The following RNF17 variants were observed in gnomAD, a reference collection of about 807,000 sequenced individuals.
RNF17 encodes the protein spermatogenesis associated 23.
In RNF17, 31 loss-of-function variants were observed where a neutral mutation model predicts 200.5. The ratio of observed to expected loss-of-function variants is 0.15; its 90% confidence interval spans 0.12 to 0.21. The LOEUF (loss-of-function observed/expected upper bound fraction) is 0.21, where lower values mean the gene tolerates loss of function less well. Ranked by LOEUF, RNF17 falls within the 10% of genes least tolerant of loss-of-function variation. The pLI is 1.00. For missense variants in RNF17, 1,628 were observed against 1,905.1 expected (o/e 0.85, Z 2.71); for synonymous variants, 606 against 637.8 (o/e 0.95, Z 0.75).
At chr13:24,834,676 C>T (rs1306900789) in intron 18 of RNF17, among the ~76,000 whole-genome samples, 4 of 152,184 alleles carry the variant, frequency 2.6e-5, no homozygotes, top group South Asian at 4.1e-4. Context: ...AGCAGAAAGG[C>T]CCTGGGAGCT....
chr13:24,858,809 C>G (rs1205085083), intron 25 of RNF17, among the ~76,000 whole-genome samples, 192 bp from the exon 26 acceptor site: 1 of 151,948 alleles, frequency 6.6e-6, no homozygotes, highest in African/African-American at 2.4e-5. Context: ...TTTGTACTCT[C>G]AAAATATAAT....
intron 11 of RNF17, among the ~76,000 whole-genome samples, chr13:24,798,490 T>C (rs1212004873): frequency 6.6e-6 from 1 of 152,168 alleles, no homozygotes; most frequent in African/African-American, 2.4e-5. Flanking sequence ...CAGAGGAGAT[T>C]ACACAGCATC....
chr13:24,836,044 GAAGA>G (rs1889958096), intron 18 of RNF17, among the ~76,000 whole-genome samples: 1 of 152,126 alleles, frequency 6.6e-6, no homozygotes, highest in Non-Finnish European at 1.5e-5. Flanking sequence ...TGAACAAGTA[GAAGA>G]AAGAAATTCA....
chr13:24,820,924 T>C (rs917721440), intron 15 of RNF17, among the ~76,000 whole-genome samples: 1 of 152,224 alleles, frequency 6.6e-6, no homozygotes, highest in Non-Finnish European at 1.5e-5. Flanking sequence ...AGTGTCTTAG[T>C]TCCCTGGAGC....
intron 15 of RNF17, among the ~76,000 whole-genome samples, chr13:24,823,796 G>T (rs181946017): frequency 3.9e-5 from 6 of 152,272 alleles, no homozygotes; most frequent in Admixed American, 2.6e-4. Context: ...CCTGGCCTTA[G>T]ATGGTCTATT....
Position 24,845,017 on chromosome 13 carries a change from A to G in RNF17, c.3039A>G (p.Lys1013=), listed in dbSNP as rs750962904. 2 of 1,608,620 alleles carry G rather than the reference A, an allele frequency of 1.2e-6. No homozygotes were observed. Among genetic ancestry groups the G allele is most frequent in the South Asian group, 1.1e-5 (1 of 90,934 alleles). The change falls in exon 22 of 36, where the codon AAA becomes AAG. Residue 1013 remains lysine, a synonymous_variant. Transcript: ENST00000255324. ...TAGTGAATGTTGACTGTTTAAGAAA[A>G]CTTGAAGAAAATCTAAAGACAATGG... is the stretch of plus-strand genomic sequence containing the variant. ...ELVVNVDCLR[K]LEENLKTMGR...
intron 35 of RNF17, among the ~76,000 whole-genome samples, 178 bp from the exon 36 acceptor site, chr13:24,879,559 T>A (rs1895226197): frequency 6.6e-6 from 1 of 152,136 alleles, no homozygotes; most frequent in Non-Finnish European, 1.5e-5. Flanking sequence ...CCACTGTAAA[T>A]AATTTTAAGC....
At chr13:24,804,789 C>A (rs1885653052) in intron 15 of RNF17, among the ~76,000 whole-genome samples, 1 of 151,968 alleles carries the variant, frequency 6.6e-6, no homozygotes. Flanking sequence ...ATTTGAACAC[C>A]AAAATAGACA....
intron 15 of RNF17, among the ~76,000 whole-genome samples, chr13:24,813,856 C>T (rs1298863422): frequency 1.5e-4 from 13 of 85,048 alleles, no homozygotes; most frequent in East Asian, 4.0e-4. Context: ...GAGACAGGTT[C>T]TTGCTGTGTT....
At chr13:24,887,617 C>G in the RNF17 span, among the ~76,000 whole-genome samples, 2 of 152,120 alleles carry the variant, frequency 1.3e-5, no homozygotes, top group African/African-American at 4.8e-5. Context: ...CAGGGCTCCC[C>G]CTGATTCTAC....
chr13:24,802,563 A>G lies in RNF17; in HGVS notation c.1941A>G (p.Glu647=), dbSNP rs767503051. 29 of 1,603,264 alleles carry G rather than the reference A, an allele frequency of 1.8e-5. No individual in the cohort carries two copies. The highest frequency in any genetic ancestry group is 5.2e-5 in the Admixed American group (3 of 57,592). Reference sequence around the variant, plus strand: ...TTAGAGATGCGCTAGTTTTTATGGAACTAGCAAAGTAAGTAACTTATTAAA... The same window carrying G: ...TTAGAGATGCGCTAGTTTTTATGGAGCTAGCAAAGTAAGTAACTTATTAAA... The part of the protein sequence containing the change: ...VSLRDALVFM[E]LAKFKSQSLR... The change falls in exon 14 of 36, where the codon GAA becomes GAG. Residue 647 remains glutamate, a synonymous_variant. Transcript: ENST00000255324.
At chr13:24,753,157 G>A in the RNF17 span, among the ~76,000 whole-genome samples, 1 of 152,186 alleles carries the variant, frequency 6.6e-6, no homozygotes, top group East Asian at 1.9e-4. Flanking sequence ...CAATGTTGAT[G>A]CTAAAAAAGA....
intron 6 of RNF17, among the ~76,000 whole-genome samples, chr13:24,787,154 T>C (rs1023488066): frequency 6.6e-6 from 1 of 152,146 alleles, no homozygotes; most frequent in Non-Finnish European, 1.5e-5. Flanking sequence ...ATACAATCTA[T>C]GGAATTTCTG....
At chr13:24,771,389 C>A (rs1313858248) in intron 2 of RNF17, among the ~76,000 whole-genome samples, 1 of 124,924 alleles carries the variant, frequency 8.0e-6, no homozygotes, top group African/African-American at 3.0e-5. Flanking sequence ...AGGCTAGGTC[C>A]TTGCTATGTT....
At chr13:24,768,433 T>C (rs899195122) in intron 2 of RNF17, among the ~76,000 whole-genome samples, 2 of 152,008 alleles carry the variant, frequency 1.3e-5, no homozygotes, top group Admixed American at 1.3e-4. Context: ...TGTAGGTCTG[T>C]GCCACCACGC....
chr13:24,849,881 G>C (rs1000648307), intron 22 of RNF17, among the ~76,000 whole-genome samples: 2 of 152,234 alleles, frequency 1.3e-5, no homozygotes, highest in Admixed American at 6.5e-5. Context: ...TCATTACAAA[G>C]AGACTTTTTT....
In RNF17 at chr13:24,874,095, CCT is replaced by C; in HGVS notation, c.4448-18_4448-17del. ...TAATGAAAGACAATATGATTTTTTC[CCT>C]TTTTCTGTCTTTCCAGAAATGCCTT... is the stretch of plus-strand genomic sequence containing the variant. On this transcript the variant is annotated splice_polypyrimidine_tract_variant and intron_variant, in intron 32 of 35. Transcript: ENST00000255324. The C allele has an allele frequency of 6.2e-7, 1 of 1,601,314 alleles. No individual in the cohort carries two copies. Among genetic ancestry groups the C allele is most frequent in the African/African-American group, 1.4e-5 (1 of 74,066 alleles).
At chr13:24,845,464 A>G (rs1006469807) in intron 22 of RNF17, among the ~76,000 whole-genome samples, 1 of 152,220 alleles carries the variant, frequency 6.6e-6, no homozygotes, top group Non-Finnish European at 1.5e-5. Context: ...CTATAAAAAC[A>G]GCAACTTGGA....
chr13:24,776,738 C>G (rs1036463356), intron 3 of RNF17, among the ~76,000 whole-genome samples: 3 of 152,158 alleles, frequency 2.0e-5, no homozygotes, highest in African/African-American at 7.2e-5. Context: ...CGGTAGATGA[C>G]GAGGGCTCAC....
Sources: allele counts gnomAD v4.1 joint callset (sites outside exome capture counted in the v4.1 genomes callset), GRCh38; gene constraint gnomAD v4.1.1; transcripts MANE v1.5; gene names NCBI Gene and HGNC (gene_info 2026-07-23, HGNC 2026-07-21).